BPTF: variants seen among roughly 807,000 people sequenced by gnomAD.
BPTF encodes nucleosome-remodeling factor subunit BPTF.
A neutral mutation model predicts 292.5 loss-of-function variants in BPTF; 18 were observed. The observed-to-expected ratio is 0.06, with a 90% CI of 0.04 to 0.09. BPTF has a LOEUF of 0.09. Ranked by LOEUF, BPTF falls within the 10% of genes least tolerant of loss-of-function variation. BPTF has a pLI of 1.00. For synonymous variants in BPTF, 1,225 were observed against 1,251.9 expected (o/e 0.98, Z 0.45); for missense variants, 2,726 against 3,498.7 (o/e 0.78, Z 5.57).
chr17:67,834,129 C>T (rs1169931280), intron 1 of BPTF, among the ~76,000 whole-genome samples: 5 of 152,176 alleles, frequency 3.3e-5, no homozygotes, highest in Admixed American at 1.3e-4. Flanking sequence ...TTCCCTTTAC[C>T]GCCAGGTGGG....
At chr17:67,859,631 A>G (rs1010989126) in intron 2 of BPTF, among the ~76,000 whole-genome samples, 6 of 152,240 alleles carry the variant, frequency 3.9e-5, no homozygotes, top group East Asian at 3.8e-4. Context: ...CTAGTTTTCA[A>G]ACCTTCTTGA....
chr17:67,931,724 T>C (rs2064406600), intron 17 of BPTF, among the ~76,000 whole-genome samples, 187 bp from the exon 18 acceptor site: 1 of 152,230 alleles, frequency 6.6e-6, no homozygotes, highest in East Asian at 1.9e-4. Flanking sequence ...GAATTAAGTT[T>C]TCTTTCCTCA....
At chr17:67,910,540 C>G (rs1047720101) in intron 10 of BPTF, among the ~76,000 whole-genome samples, 1 of 152,142 alleles carries the variant, frequency 6.6e-6, no homozygotes, top group African/African-American at 2.4e-5. Flanking sequence ...TGGCTCATGC[C>G]TGTAATCTCA....
At chr17:67,907,838 A>G (rs2062340230) in intron 9 of BPTF, among the ~76,000 whole-genome samples, 1 of 152,222 alleles carries the variant, frequency 6.6e-6, no homozygotes, top group African/African-American at 2.4e-5. Flanking sequence ...CAAATTAATA[A>G]TCTGATTCTC....
At chr17:67,976,712 A>T (rs2069503824) in intron 27 of BPTF, among the ~76,000 whole-genome samples, 2 of 130,422 alleles carry the variant, frequency 1.5e-5, no homozygotes, top group African/African-American at 5.9e-5. Context: ...AAAAAAAAAA[A>T]AAATAAGAAT....
At chr17:67,975,563 C>G (rs577406632) in intron 26 of BPTF, 2 of 477,840 alleles carry the variant, frequency 4.2e-6, no homozygotes, top group Non-Finnish European at 7.4e-6. Context: ...AACAGCAACC[C>G]GGATTTATAT....
Position 67,891,834 on chromosome 17 carries a change from C to A in BPTF, c.1865-10C>A. ...GTCAGCAATTGCTTTGTGGCCTATT[C>A]ATTTGACAGTAGGTGATTTCAAATC... On this transcript the variant is annotated splice_polypyrimidine_tract_variant and intron_variant, in intron 4 of 27. Coordinates refer to ENST00000306378, the MANE Select transcript of BPTF (RefSeq NM_182641.4). 6.4e-7 allele frequency: 1 copy of A among 1,565,756 alleles called. No homozygotes were observed. Among genetic ancestry groups the A allele is most frequent in the Non-Finnish European group, 8.6e-7 (1 of 1,156,274 alleles).
intron 1 of BPTF, among the ~76,000 whole-genome samples, chr17:67,827,406 A>G (rs1052122057): frequency 6.6e-6 from 1 of 152,170 alleles, no homozygotes; most frequent in Non-Finnish European, 1.5e-5. Flanking sequence ...CATTTGGTGA[A>G]ACACCCCCGG....
intron 2 of BPTF, among the ~76,000 whole-genome samples, chr17:67,864,450 C>T (rs967287354): frequency 1.3e-5 from 2 of 150,022 alleles, no homozygotes; most frequent in Non-Finnish European, 2.9e-5. Context: ...AGTGCTTGAA[C>T]CCAGGAGGCA....
chr17:67,890,903 GA>G (rs2061065159), intron 4 of BPTF, among the ~76,000 whole-genome samples: 1 of 151,978 alleles, frequency 6.6e-6, no homozygotes, highest in Non-Finnish European at 1.5e-5. Flanking sequence ...AATTAAAAAG[GA>G]AAAATCAGAG....
chr17:67,863,268 C>A (rs905698681), intron 2 of BPTF, among the ~76,000 whole-genome samples: 1 of 152,034 alleles, frequency 6.6e-6, no homozygotes, highest in Non-Finnish European at 1.5e-5. Context: ...GTTGCTGCCT[C>A]TATGCTACCT....
intron 20 of BPTF, 27 bp from the exon 21 acceptor site, chr17:67,945,382 G>C (rs781971819): frequency 1.7e-5 from 27 of 1,586,716 alleles, no homozygotes; most frequent in Non-Finnish European, 2.3e-5. Context: ...CAGAGTAATA[G>C]AAATGGTTCA....
intron 23 of BPTF, among the ~76,000 whole-genome samples, chr17:67,949,636 C>T (rs2066103179): frequency 2.8e-5 from 2 of 71,414 alleles, no homozygotes; most frequent in African/African-American, 8.5e-5. Context: ...TATACACATA[C>T]GTACATATAT....
At chr17:67,946,811 T>G (rs1270508649) in intron 21 of BPTF, among the ~76,000 whole-genome samples, 3 of 152,250 alleles carry the variant, frequency 2.0e-5, no homozygotes, top group African/African-American at 7.2e-5. Context: ...AAAAGTGGCA[T>G]CATCCAGCAA....
intron 4 of BPTF, among the ~76,000 whole-genome samples, chr17:67,888,260 C>G (rs574692770): frequency 2.6e-5 from 4 of 152,110 alleles, no homozygotes; most frequent in African/African-American, 9.6e-5. Flanking sequence ...TGTATCTAGA[C>G]CTAAATCTAG....
chr17:67,861,441 C>T (rs1019557670), intron 2 of BPTF, among the ~76,000 whole-genome samples: 4 of 151,782 alleles, frequency 2.6e-5, no homozygotes, highest in Admixed American at 6.6e-5. Flanking sequence ...AAGCGACTCC[C>T]GAGTGGGTGG....
intron 4 of BPTF, among the ~76,000 whole-genome samples, chr17:67,890,865 A>G (rs899384712): frequency 7.2e-5 from 11 of 152,192 alleles, no homozygotes; most frequent in Non-Finnish European, 1.5e-4. Context: ...TGCCAGTGCC[A>G]CAGTGTCTTC....
In BPTF at chr17:67,825,928, G is replaced by A. The variant is rs1457825060; in HGVS notation, c.204G>A (p.Arg68=). The change falls in exon 1 of 28, where the codon AGG becomes AGA. Residue 68 remains arginine, a synonymous_variant. Transcript: ENST00000306378. ...VAPKTRLSSP[R]GGSSSRRKPP... is the part of the protein sequence containing the mutation. ...CCAAGACGCGGCTGAGCTCGCCCAG[G>A]GGGGGCAGCAGTAGCCGGAGGAAGC... 6 of 1,015,586 alleles carry A rather than the reference G, an allele frequency of 5.9e-6. No homozygotes were observed. The highest frequency in any genetic ancestry group is 9.5e-5 in the East Asian group (1 of 10,512). 62.9% of individuals were successfully genotyped at this position (1,015,586 alleles called of 1,614,324 possible).
chr17:67,964,144 G>A (rs1598955271), intron 24 of BPTF, 68 bp from the exon 25 acceptor site: 1 of 1,491,548 alleles, frequency 6.7e-7, no homozygotes, highest in East Asian at 2.3e-5. Flanking sequence ...ATTTTCAGGT[G>A]CATGCTTTAT....
Sources: gnomAD v4.1 joint callset for allele counts (sites outside exome capture counted in the v4.1 genomes callset) on GRCh38, gnomAD v4.1.1 for gene constraint, MANE v1.5 for transcripts, NCBI Gene and HGNC (gene_info 2026-07-23, HGNC 2026-07-21) for gene names.